REPS1: variants seen among roughly 807,000 people sequenced by gnomAD.
REPS1 encodes RALBP1 associated Eps domain containing 1, also known as ralBP1-associated Eps domain-containing protein 1.
In REPS1, 39 loss-of-function variants were observed where a neutral mutation model predicts 100.9. The observed-to-expected ratio is 0.39, with a 90% confidence interval of 0.30 to 0.50. The LOEUF is 0.50. Among genes scored for constraint, REPS1 ranks in the 20% least tolerant of loss-of-function variants. The pLI is 0.86. For synonymous variants in REPS1, 324 were observed against 340.3 expected (o/e 0.95, Z 0.53); for missense variants, 821 against 968.5 (o/e 0.85, Z 2.02).
chr6:138,958,829 C>T (rs1354087331), intron 1 of REPS1, among the ~76,000 whole-genome samples: 1 of 152,082 alleles, frequency 6.6e-6, no homozygotes, highest in East Asian at 1.9e-4. Context: ...GCCTTGTATG[C>T]CATAGGCTTA....
intron 1 of REPS1, among the ~76,000 whole-genome samples, chr6:138,978,305 T>C (rs1784715027): frequency 2.0e-5 from 3 of 151,768 alleles, no homozygotes; most frequent in Non-Finnish European, 4.4e-5. Flanking sequence ...TTTTTTTTTT[T>C]TGAGACAGGG....
At chr6:138,981,554 C>G (rs1456550573) in intron 1 of REPS1, among the ~76,000 whole-genome samples, 1 of 152,218 alleles carries the variant, frequency 6.6e-6, no homozygotes, top group African/African-American at 2.4e-5. Context: ...TATATATCTC[C>G]TCTTTGTATT....
chr6:138,912,912 A>G lies in REPS1; in HGVS notation c.1824T>C (p.Asp608=). The G allele has an allele frequency of 2.5e-6, 4 of 1,614,128 alleles. No individual in the cohort carries two copies. Among genetic ancestry groups the G allele is most frequent in the Non-Finnish European group, 3.4e-6 (4 of 1,179,990 alleles). The change falls in exon 16 of 20, where the codon GAT becomes GAC. Residue 608 remains aspartate, a synonymous_variant. Transcript: ENST00000450536. ...AGGTACTAGTGTGAGTTATGAGGCC[A>G]TCGGCATCCACTGGGCGATGCACAG... ...GPAVHRPVDA[D]GLITHTSTSP...
At chr6:138,914,328 C>T (rs978240091) in intron 15 of REPS1, among the ~76,000 whole-genome samples, 5 of 152,160 alleles carry the variant, frequency 3.3e-5, no homozygotes, top group African/African-American at 1.2e-4. Flanking sequence ...CTGCCTTAGC[C>T]TCCCAAAGTG....
chr6:138,969,333 C>G (rs529862116), intron 1 of REPS1, among the ~76,000 whole-genome samples: 106 of 125,876 alleles, frequency 8.4e-4, no homozygotes, highest in African/African-American at 3.1e-3. Context: ...GGTCTGTCTT[C>G]CAGGCTGGAG....
rs1166931900 is a variant in REPS1 at position 138,988,050 on chromosome 6, G to T, written c.-368C>A. On this transcript the variant is annotated 5_prime_UTR_variant, in exon 1 of 20. Coordinates refer to ENST00000450536, the MANE Select transcript of REPS1 (RefSeq NM_001286611.2). Reference sequence around the variant, plus strand: ...CCCGCCGCGGGTTCGAGTCTCCCCGGCTCCCTGCCGATTCCCCCAGACTTC... The same window carrying T: ...CCCGCCGCGGGTTCGAGTCTCCCCGTCTCCCTGCCGATTCCCCCAGACTTC... The T allele has an allele frequency of 1.5e-5, 6 of 397,466 alleles. No homozygotes were observed. The highest frequency in any genetic ancestry group is 2.7e-5 in the Non-Finnish European group (6 of 225,438). 24.6% of individuals were successfully genotyped at this position (397,466 alleles called of 1,614,324 possible).
chr6:138,967,461 G>T (rs984377886), intron 1 of REPS1, among the ~76,000 whole-genome samples: 1 of 152,162 alleles, frequency 6.6e-6, no homozygotes, highest in African/African-American at 2.4e-5. Flanking sequence ...AAAAAGTACA[G>T]TATCACACAC....
intron 1 of REPS1, among the ~76,000 whole-genome samples, chr6:138,954,506 A>AC (rs1235923124): frequency 6.6e-6 from 1 of 151,424 alleles, no homozygotes; most frequent in Non-Finnish European, 1.5e-5. Flanking sequence ...TGAGCTTAAA[A>AC]AAAAAAAAAA....
intron 9 of REPS1, chr6:138,929,698 T>A (rs147952858): frequency 4.1e-4 from 109 of 266,440 alleles, no homozygotes; most frequent in African/African-American, 2.2e-3. Context: ...TATGAGATCT[T>A]GGCCAAGTCA....
Position 138,941,361 on chromosome 6 carries a change from T to C in REPS1, c.1109A>G (p.Lys370Arg). ...PEKLPESLMP[K>R]LIDLEDSADV... ...TGCTGAATCTTCCAAATCAATCAGT[T>C]TGGGCATTAAGCTTTCAGGAAGTTT... Residue 370 changes from lysine (K) to arginine (R), a missense_variant, in exon 8 of 20, where the codon AAA becomes AGA. Transcript: ENST00000450536. The C allele has an allele frequency of 1.9e-6, 3 of 1,614,084 alleles. No homozygotes were observed. The highest frequency in any genetic ancestry group is 1.7e-6 in the Non-Finnish European group (2 of 1,179,994).
chr6:138,950,598 G>A (rs112459588), intron 1 of REPS1, among the ~76,000 whole-genome samples: 195 of 152,230 alleles, frequency 1.3e-3, no homozygotes, highest in African/African-American at 4.3e-3. Flanking sequence ...TTATGTTACC[G>A]TTTTGTATGC....
At chr6:138,943,674 T>C in intron 6 of REPS1, 98 bp from the exon 7 acceptor site, 1 of 1,055,360 alleles carries the variant, frequency 9.5e-7, no homozygotes, top group Non-Finnish European at 1.3e-6. Context: ...GGAAAAGATA[T>C]TTTTAATATG....
chr6:138,968,346 T>C (rs1263024583), intron 1 of REPS1, among the ~76,000 whole-genome samples: 6 of 152,228 alleles, frequency 3.9e-5, no homozygotes, highest in African/African-American at 1.4e-4. Flanking sequence ...AGTACTTCTT[T>C]AATACAATCC....
In REPS1 at chr6:138,904,029, T is replaced by C. The variant is rs1779496278; in HGVS notation, c.*1035A>G. 6.6e-6 allele frequency: 1 copy of C among 152,240 alleles called. No homozygotes were observed. The highest frequency in any genetic ancestry group is 2.4e-5 in the African/African-American group (1 of 41,468). The allele number at this position is 152,240 out of a possible 1,614,324, so 9.4% of individuals were successfully genotyped here. ...ATGAACAAAAGTTAAAATATTATGCTGTTTTATTGGTGTAAAACCACACTT... is the reference window on the plus strand; with the variant it reads ...ATGAACAAAAGTTAAAATATTATGCCGTTTTATTGGTGTAAAACCACACTT... On this transcript the variant is annotated 3_prime_UTR_variant, in exon 20 of 20. Coordinates refer to ENST00000450536, the MANE Select transcript of REPS1 (RefSeq NM_001286611.2).
At chr6:138,983,213 G>A (rs1002716465) in intron 1 of REPS1, among the ~76,000 whole-genome samples, 2 of 152,154 alleles carry the variant, frequency 1.3e-5, no homozygotes, top group African/African-American at 2.4e-5. Context: ...CAGCACTCTG[G>A]GAGGCTGAAG....
At chr6:138,913,087 T>G in intron 15 of REPS1, 137 bp from the exon 16 acceptor site, 1 of 601,054 alleles carries the variant, frequency 1.7e-6, no homozygotes, top group South Asian at 3.0e-5. Context: ...AGGTGTATTA[T>G]AGTAACATTT....
At chr6:138,980,698 GA>G (rs56265843) in intron 1 of REPS1, among the ~76,000 whole-genome samples, 15 of 121,776 alleles carry the variant, frequency 1.2e-4, no homozygotes, top group African/African-American at 3.6e-4. Flanking sequence ...GGGGGGGGGG[GA>G]ACGGAGACTT....
intron 19 of REPS1, 75 bp from the exon 20 acceptor site, chr6:138,905,207 T>A (rs762470812): frequency 6.1e-5 from 54 of 880,650 alleles, no homozygotes; most frequent in Non-Finnish European, 9.7e-5. Flanking sequence ...CAGCTCTGCT[T>A]CAAGAAAACA....
At chr6:138,967,737 A>G (rs1229277994) in intron 1 of REPS1, among the ~76,000 whole-genome samples, 1 of 152,196 alleles carries the variant, frequency 6.6e-6, no homozygotes, top group Non-Finnish European at 1.5e-5. Flanking sequence ...ACAAAGAAAA[A>G]GAGCCTCAGG....
Sources: allele counts gnomAD v4.1 joint callset (sites outside exome capture counted in the v4.1 genomes callset), GRCh38; gene constraint gnomAD v4.1.1; transcripts MANE v1.5; gene names NCBI Gene and HGNC (gene_info 2026-07-23, HGNC 2026-07-21).